Variants in KIAA1217 observed in about 807,000 individuals in gnomAD.
KIAA1217 encodes KIAA1217, also known as sickle tail protein homolog.
A neutral mutation model predicts 163.9 loss-of-function variants in KIAA1217; 88 were observed. The ratio of observed to expected loss-of-function variants is 0.54; its 90% CI spans 0.45 to 0.64. The LOEUF is 0.64. KIAA1217 is among the 30% of genes least tolerant of loss of function. The pLI, the probability that KIAA1217 is intolerant of heterozygous loss-of-function variation, is 0.00. For synonymous variants in KIAA1217, 903 were observed against 923.1 expected (o/e 0.98, Z 0.39); for missense variants, 2,372 against 2,475.0 (o/e 0.96, Z 0.88).
intron 1 of KIAA1217, among the ~76,000 whole-genome samples, chr10:23,706,617 T>G (rs549473043): frequency 6.6e-6 from 1 of 152,326 alleles, no homozygotes; most frequent in African/African-American, 2.4e-5. Flanking sequence ...GGATAAATTC[T>G]ACTTGATTAT....
intron 20 of KIAA1217, chr10:24,545,374 T>C (rs2075618502): frequency 1.5e-6 from 2 of 1,356,346 alleles, no homozygotes; most frequent in Non-Finnish European, 1.9e-6. Flanking sequence ...GGCTTTTCTT[T>C]GGTGAATGTA....
At chr10:23,930,897 A>T (rs984024412) in intron 1 of KIAA1217, among the ~76,000 whole-genome samples, 10 of 152,038 alleles carry the variant, frequency 6.6e-5, no homozygotes, top group African/African-American at 1.9e-4. Flanking sequence ...GTCCTTCCTC[A>T]CGTGTGCCTC....
chr10:23,904,862 A>G (rs1397121756), intron 1 of KIAA1217, among the ~76,000 whole-genome samples: 1 of 152,070 alleles, frequency 6.6e-6, no homozygotes, highest in Non-Finnish European at 1.5e-5. Context: ...CTTGTTTTAC[A>G]GATGAAAAAA....
chr10:23,967,017 A>G (rs1199717178), intron 1 of KIAA1217, among the ~76,000 whole-genome samples: 2 of 134,510 alleles, frequency 1.5e-5, no homozygotes, highest in African/African-American at 6.9e-5. Flanking sequence ...TTTTGATTTT[A>G]TACAATCAGT....
chr10:24,239,292 A>ATT (rs1486021132), intron 2 of KIAA1217: 2 of 985,128 alleles, frequency 2.0e-6, no homozygotes, highest in Admixed American at 1.2e-4. Flanking sequence ...GAAGAATTAG[A>ATT]TTTTCTGCTT....
intron 2 of KIAA1217, among the ~76,000 whole-genome samples, chr10:24,272,432 TCTAAA>T (rs2076863390): frequency 6.6e-6 from 1 of 152,208 alleles, no homozygotes; most frequent in Admixed American, 6.5e-5. Context: ...TTCATTCAGT[TCTAAA>T]ACTTCTCAAC....
chr10:23,954,307 A>G (rs919236914), intron 1 of KIAA1217, among the ~76,000 whole-genome samples: 11 of 152,070 alleles, frequency 7.2e-5, no homozygotes, highest in Admixed American at 2.0e-4. Context: ...GCTCATGCCT[A>G]TAATCTCAGC....
At chr10:23,830,309 G>A (rs1440940464) in intron 1 of KIAA1217, among the ~76,000 whole-genome samples, 2 of 152,172 alleles carry the variant, frequency 1.3e-5, no homozygotes, top group African/African-American at 4.8e-5. Context: ...TTCGTTGACA[G>A]TGAAGTCTCT....
chr10:24,221,353 A>G (rs1320566388), intron 2 of KIAA1217, among the ~76,000 whole-genome samples: 2 of 131,836 alleles, frequency 1.5e-5, no homozygotes, highest in Non-Finnish European at 3.2e-5. Flanking sequence ...TTAACCATAT[A>G]TGTGACGGGT....
intron 2 of KIAA1217, among the ~76,000 whole-genome samples, chr10:24,183,951 T>C (rs190298355): frequency 3.9e-5 from 6 of 152,318 alleles, no homozygotes; most frequent in Admixed American, 6.5e-5. Flanking sequence ...CAGAACACAG[T>C]GTCTGCATTC....
intron 2 of KIAA1217, among the ~76,000 whole-genome samples, chr10:24,346,949 T>G (rs1264976777): frequency 1.3e-5 from 2 of 152,246 alleles, no homozygotes; most frequent in African/African-American, 2.4e-5. Context: ...AAAGCCATTT[T>G]AGAATCTGAA....
intron 2 of KIAA1217, among the ~76,000 whole-genome samples, chr10:24,074,664 C>A (rs1013762494): frequency 4.7e-5 from 7 of 147,912 alleles, no homozygotes; most frequent in African/African-American, 1.7e-4. Context: ...TTCTGGAATT[C>A]TTCTTCTTCT....
chr10:24,060,580 A>G (rs1208260615), intron 2 of KIAA1217, among the ~76,000 whole-genome samples: 1 of 152,212 alleles, frequency 6.6e-6, no homozygotes, highest in Non-Finnish European at 1.5e-5. Context: ...GGATTACATG[A>G]GGCCAGTAGT....
rs1196236765 is a variant in KIAA1217 at position 24,337,622 on chromosome 10, TTTCTTTTCTTTTCTTTTCTTTTCTTTTC to T, written c.355-43244_355-43217del. Among the ~76,000 whole-genome samples the T allele has an allele frequency of 1.1e-3, 64 of 59,174 alleles. 1 individual carries two copies. Among genetic ancestry groups the T allele is most frequent in the Middle Eastern group, 5.0e-3 (1 of 200 alleles). The allele number at this position is 59,174 out of a possible 152,430, so 38.8% of individuals were successfully genotyped here. On this transcript the variant is annotated intron_variant, in intron 2 of 20. Coordinates refer to ENST00000376454, the MANE Select transcript of KIAA1217 (RefSeq NM_019590.5). ...TTTCTTTTCTTTTCTTTTCTTTTCT[TTTCTTTTCTTTTCTTTTCTTTTCTTTTC>T]TTTTTTTTTTTTGAGACGAGTCTCA... is the stretch of plus-strand genomic sequence containing the variant.
chr10:23,916,388 G>A (rs551819752), intron 1 of KIAA1217, among the ~76,000 whole-genome samples: 2 of 152,276 alleles, frequency 1.3e-5, no homozygotes, highest in South Asian at 4.1e-4. Context: ...TCACAGCCCG[G>A]CTCAGTTGGT....
chr10:23,873,848 G>A (rs765634728), intron 1 of KIAA1217, among the ~76,000 whole-genome samples: 6 of 152,102 alleles, frequency 3.9e-5, no homozygotes, highest in Admixed American at 2.0e-4. Flanking sequence ...CATGTAGCAC[G>A]ACAGTAAGGC....
Position 24,536,852 on chromosome 10 carries a change from G to C in KIAA1217, c.3493G>C (p.Asp1165His). Residue 1165 changes from aspartate (D) to histidine (H), a missense_variant, in exon 17 of 21, where the codon GAC (aspartate) becomes CAC (histidine). Asp to His is a moderately conservative substitution (Grantham distance 81, BLOSUM62 -1). Coordinates refer to ENST00000376454, the MANE Select transcript of KIAA1217 (RefSeq NM_019590.5). The part of the protein sequence containing the change: ...EPSRADSHVK[D>H]TRSGATVPPK... ...ATCCCGGGCTGACAGTCACGTTAAA[G>C]ACACTAGGTCGGGCGCCACAGTGCC... 1 of 1,614,084 alleles carries C rather than the reference G, an allele frequency of 6.2e-7. No individual in the cohort carries two copies. The highest frequency in any genetic ancestry group is 1.3e-5 in the African/African-American group (1 of 75,022).
At chr10:24,167,012 T>A (rs116842512) in intron 2 of KIAA1217, among the ~76,000 whole-genome samples, 2,357 of 152,242 alleles carry the variant, frequency 0.015, 26 homozygotes, top group Middle Eastern at 0.058. Context: ...GCGAATAAGT[T>A]AAAAATTAAG....
At chr10:24,234,243 G>A (rs1347020191) in intron 2 of KIAA1217, among the ~76,000 whole-genome samples, 3 of 151,204 alleles carry the variant, frequency 2.0e-5, no homozygotes, top group Non-Finnish European at 4.4e-5. Context: ...TCAACTGGTA[G>A]CTATGTACTG....
Sources: gnomAD v4.1 joint callset for allele counts (sites outside exome capture counted in the v4.1 genomes callset) on GRCh38, gnomAD v4.1.1 for gene constraint, MANE v1.5 for transcripts, NCBI Gene and HGNC (gene_info 2026-07-23, HGNC 2026-07-21) for gene names.